Variants in FGFRL1 observed in about 807,000 individuals in gnomAD.
FGFRL1 encodes fibroblast growth factor receptor like 1, also known as fibroblast growth factor receptor-like 1.
In FGFRL1, 24 loss-of-function variants were observed where a neutral mutation model predicts 36.8. The observed-to-expected ratio is 0.65, with a 90% CI of 0.47 to 0.92. The LOEUF is 0.92. FGFRL1 is among the 40% of genes least tolerant of loss of function. The pLI is 0.00. For missense variants in FGFRL1, 785 were observed against 753.4 expected, an observed-to-expected ratio of 1.04 and a Z score of -0.49; for synonymous variants, 422 against 344.1, an observed-to-expected ratio of 1.23 and a Z score of -2.50.
intron 2 of FGFRL1, among the ~76,000 whole-genome samples, chr4:1,018,596 G>C (rs976008882): frequency 6.6e-6 from 1 of 152,184 alleles, no homozygotes; most frequent in Admixed American, 6.5e-5. Flanking sequence ...TTGGCAGGGT[G>C]CACGGCCCCG....
In FGFRL1 at chr4:1,025,346, A is replaced by G. The variant is rs1205603376; in HGVS notation, c.1514A>G (p.Ter505TrpextTer48). The change falls in exon 7 of 7, where the codon TAG becomes TGG. Residue 505 changes from the stop codon to tryptophan, a stop_lost. Transcript: ENST00000510644. ...KVHQHIHYQC[*>W] ...CACCAGCACATCCACTATCAGTGCT[A>G]GACGGCACCGTATCTGCAGTGGGCA... 9 of 1,544,216 alleles carry G rather than the reference A, an allele frequency of 5.8e-6. No individual in the cohort carries two copies. Among genetic ancestry groups the G allele is most frequent in the African/African-American group, 2.7e-5 (2 of 73,134 alleles).
At chr4:1,014,945 T>C (rs1334010812) in intron 2 of FGFRL1, among the ~76,000 whole-genome samples, 1 of 152,132 alleles carries the variant, frequency 6.6e-6, no homozygotes, top group Non-Finnish European at 1.5e-5. Context: ...CCTTTATCCA[T>C]TGTGCGGGAA....
At position 1,024,451 on chromosome 4, in the gene FGFRL1, G is replaced by A. The variant is rs777032994; in HGVS notation, c.859G>A (p.Gly287Ser). Reference sequence around the variant, plus strand: ...CCAGTGGCTGAAGCGCGTGGAGTACGGCGCCGAGGGCCGCCACAACTCCAC... The same window carrying A: ...CCAGTGGCTGAAGCGCGTGGAGTACAGCGCCGAGGGCCGCCACAACTCCAC... Reference protein sequence around the residue: ...VIQWLKRVEYGAEGRHNSTID... With the variant: ...VIQWLKRVEYSAEGRHNSTID... Residue 287 changes from glycine to serine, a missense_variant, in exon 6 of 7, where the codon GGC becomes AGC. By Grantham distance (56) the Gly-to-Ser change is moderately conservative (BLOSUM62 0). Transcript: ENST00000510644. 6 of 1,612,414 alleles carry A rather than the reference G, an allele frequency of 3.7e-6. No individual in the cohort carries two copies. Among genetic ancestry groups the A allele is most frequent in the African/African-American group, 1.3e-5 (1 of 75,050 alleles).
In FGFRL1 at chr4:1,024,600, CA is replaced by C; in HGVS notation, c.1009del (p.Ile337SerfsTer243). The C allele has an allele frequency of 6.2e-7, 1 of 1,612,176 alleles. No individual in the cohort carries two copies. The highest frequency in any genetic ancestry group is 8.5e-7 in the Non-Finnish European group (1 of 1,179,724). On this transcript the variant is annotated frameshift_variant, in exon 6 of 7. Transcript: ENST00000510644. LOFTEE classifies it high-confidence loss of function. ...CCCGCCAGGACGATGCGGGCATGTA[CA>C]TCTGCCTTGGCGCCAACACCATGGG... is the stretch of plus-strand genomic sequence containing the variant. ...RARQDDAGMY[I>X]CLGANTMGYS... is the part of the protein sequence containing the mutation.
intron 1 of FGFRL1, 120 bp downstream of exon 1, chr4:1,012,074 C>A (rs973770365): frequency 6.7e-6 from 1 of 150,258 alleles, no homozygotes; most frequent in African/African-American, 2.5e-5. Flanking sequence ...TCATGCGCGC[C>A]GCCGCCGCTC....
At chr4:1,016,068 C>T (rs550454956) in intron 2 of FGFRL1, among the ~76,000 whole-genome samples, 4 of 152,190 alleles carry the variant, frequency 2.6e-5, no homozygotes, top group Non-Finnish European at 5.9e-5. Flanking sequence ...TTGAGAAGTC[C>T]GCCATGTGAG....
At chr4:1,012,677 TGCCGCCC>T in intron 2 of FGFRL1, 113 bp downstream of exon 2, 1 of 426,924 alleles carries the variant, frequency 2.3e-6, no homozygotes, top group Non-Finnish European at 3.9e-6. Flanking sequence ...GCCCCGCCCC[TGCCGCCC>T]CGCTCGCCAG....
In FGFRL1 at chr4:1,024,513, C is replaced by G. The variant is rs1242790551; in HGVS notation, c.921C>G (p.Pro307=). ...DVGGQKFVVL[P]TGDVWSRPDG... ...GCGGCCAGAAGTTTGTGGTGCTGCC[C>G]ACGGGTGACGTGTGGTCGCGGCCCG... Residue 307 remains proline (P), a synonymous_variant, in exon 6 of 7, where the codon CCC becomes CCG. Transcript: ENST00000510644. The G allele has an allele frequency of 6.2e-7, 1 of 1,612,518 alleles. No individual in the cohort carries two copies. The highest frequency in any genetic ancestry group is 8.5e-7 in the Non-Finnish European group (1 of 1,179,864).
intron 2 of FGFRL1, among the ~76,000 whole-genome samples, chr4:1,019,042 C>T (rs556321383): frequency 6.6e-6 from 1 of 152,368 alleles, no homozygotes; most frequent in African/African-American, 2.4e-5. Context: ...GGTCATTTGT[C>T]TCTGCCCCCT....
rs866777921 is a variant in FGFRL1 at position 1,011,667 on chromosome 4, G to C, written c.-304G>C. Reference sequence around the variant, plus strand: ...CGCAGGGAAGGACGCCTCGCGGCGCGGCGCCCCGGGCCCCTCGCCCCGCCG... The same window carrying C: ...CGCAGGGAAGGACGCCTCGCGGCGCCGCGCCCCGGGCCCCTCGCCCCGCCG... On this transcript the variant is annotated 5_prime_UTR_variant, in exon 1 of 7. Coordinates refer to ENST00000510644, the MANE Select transcript of FGFRL1 (RefSeq NM_001004356.3). Among the ~76,000 whole-genome samples the C allele has an allele frequency of 1.4e-5, 2 of 143,014 alleles. No homozygotes were observed. The highest frequency in any genetic ancestry group is 4.5e-4 in the South Asian group (2 of 4,482). 93.8% of individuals were successfully genotyped at this position (143,014 alleles called of 152,430 possible).
chr4:1,011,642 C>T lies in FGFRL1; in HGVS notation c.-329C>T, dbSNP rs1355192059. Among the ~76,000 whole-genome samples the T allele has an allele frequency of 7.1e-6, 1 of 141,226 alleles. No homozygotes were observed. The highest frequency in any genetic ancestry group is 1.6e-5 in the Non-Finnish European group (1 of 64,178). The allele number at this position is 141,226 out of a possible 152,430, so 92.6% of individuals were successfully genotyped here. A position where few individuals can be genotyped will look rare whatever the true frequency, so the allele number is the denominator to read the frequency against. On this transcript the variant is annotated 5_prime_UTR_variant, in exon 1 of 7. Transcript: ENST00000510644. ...CGCTCCGGGAGAGTTGACAAAGCCC[C>T]GCAGGGAAGGACGCCTCGCGGCGCG... is the stretch of plus-strand genomic sequence containing the variant.
At chr4:1,021,895 T>C (rs1001511673) in intron 2 of FGFRL1, among the ~76,000 whole-genome samples, 2 of 152,202 alleles carry the variant, frequency 1.3e-5, no homozygotes, top group African/African-American at 4.8e-5. Flanking sequence ...CTGTTTTGCA[T>C]CCTCTGGGGA....
rs1577566708 is a variant in FGFRL1, at chr4:1,022,097, G to A, written c.80-106G>A. The A allele has an allele frequency of 5.7e-6, 5 of 875,632 alleles. No homozygotes were observed. In the East Asian group the frequency reaches 1.5e-4, roughly 26 times the overall value. 54.2% of individuals were successfully genotyped at this position (875,632 alleles called of 1,614,324 possible). ...ATCTTGGGCAGGTGACCCAGGTGGAGCTCAGGCCCGAGGTCTGTGCTGGGC... is the reference window on the plus strand; with the variant it reads ...ATCTTGGGCAGGTGACCCAGGTGGAACTCAGGCCCGAGGTCTGTGCTGGGC... On this transcript the variant is annotated intron_variant, in intron 2 of 6. Coordinates refer to ENST00000510644, the MANE Select transcript of FGFRL1 (RefSeq NM_001004356.3).
At position 1,024,531 on chromosome 4, in the gene FGFRL1, G is replaced by A. The variant is rs1560565283; in HGVS notation, c.939G>A (p.Ser313=). The change falls in exon 6 of 7, where the codon TCG becomes TCA. Residue 313 remains serine, a synonymous_variant. Transcript: ENST00000510644. The part of the protein sequence containing the change: ...FVVLPTGDVW[S]RPDGSYLNKL... Reference sequence around the variant, plus strand: ...TGCTGCCCACGGGTGACGTGTGGTCGCGGCCCGACGGCTCCTACCTCAATA... The same window carrying A: ...TGCTGCCCACGGGTGACGTGTGGTCACGGCCCGACGGCTCCTACCTCAATA... 16 of 1,612,362 alleles carry A rather than the reference G, an allele frequency of 9.9e-6. No individual in the cohort carries two copies. Among genetic ancestry groups the A allele is most frequent in the Non-Finnish European group, 1.3e-5 (15 of 1,179,866 alleles).
chr4:1,017,649 C>T (rs979384186), intron 2 of FGFRL1, among the ~76,000 whole-genome samples: 3 of 152,182 alleles, frequency 2.0e-5, no homozygotes, highest in African/African-American at 4.8e-5. Flanking sequence ...TGGAGGAGGC[C>T]GTTTCCAGCC....
chr4:1,026,666 A>G lies in FGFRL1; in HGVS notation c.*1319A>G, dbSNP rs762285982. ...TTTATATTTAAGAAATGAAGATAAT[A>G]TTAATAATGATGGAAGGAAGACTGG... On this transcript the variant is annotated 3_prime_UTR_variant, in exon 7 of 7. Transcript: ENST00000510644. 27 of 312,696 alleles carry G rather than the reference A, an allele frequency of 8.6e-5. No homozygotes were observed. Among genetic ancestry groups the G allele is most frequent in the South Asian group, 4.8e-4 (18 of 37,172 alleles). 19.4% of individuals were successfully genotyped at this position (312,696 alleles called of 1,614,324 possible). A position where few individuals can be genotyped will look rare whatever the true frequency, so the allele number is the denominator to read the frequency against.
At chr4:1,014,927 C>T (rs948274969) in intron 2 of FGFRL1, among the ~76,000 whole-genome samples, 2 of 152,226 alleles carry the variant, frequency 1.3e-5, no homozygotes, top group African/African-American at 2.4e-5. Flanking sequence ...AAACGCCGAC[C>T]GCAGACTCCT....
At position 1,024,955 on chromosome 4, in the gene FGFRL1, C is replaced by G; in HGVS notation, c.1123C>G (p.Leu375Val). ...PVASSSSATS[L>V]PWPVVIGIPA... ...GGCCTCCTCGTCCTCGGCCACTAGC[C>G]TGCCGTGGCCCGTGGTCATCGGCAT... The change falls in exon 7 of 7, where the codon CTG (leucine) becomes GTG (valine). Residue 375 changes from leucine to valine, a missense_variant. Physicochemically the swap from Leu to Val is conservative, Grantham distance 32. Coordinates refer to ENST00000510644, the MANE Select transcript of FGFRL1 (RefSeq NM_001004356.3). 6.2e-7 allele frequency: 1 copy of G among 1,607,184 alleles called. No homozygotes were observed. Among genetic ancestry groups the G allele is most frequent in the Non-Finnish European group, 8.5e-7 (1 of 1,178,722 alleles).
chr4:1,022,273 G>C lies in FGFRL1; in HGVS notation c.150G>C (p.Gln50His). 1 of 1,590,790 alleles carries C rather than the reference G, an allele frequency of 6.3e-7. No homozygotes were observed. ...GGCTGGGCCGCACTGTGCGGCTGCA[G>C]TGCCCAGTGGAGGGGGACCCGCCGC... ...VARLGRTVRL[Q>H]CPVEGDPPPL... The change falls in exon 3 of 7, where the codon CAG (glutamine) becomes CAC (histidine). Residue 50 changes from glutamine to histidine, a missense_variant. Gln to His is a conservative substitution (Grantham distance 24, BLOSUM62 0). Transcript: ENST00000510644.
Sources: allele counts gnomAD v4.1 joint callset (sites outside exome capture counted in the v4.1 genomes callset), GRCh38; gene constraint gnomAD v4.1.1; transcripts MANE v1.5; gene names NCBI Gene and HGNC (gene_info 2026-07-23, HGNC 2026-07-21).